ADAM12: variants seen among roughly 807,000 people sequenced by gnomAD.
The protein encoded by ADAM12 is disintegrin and metalloproteinase domain-containing protein 12.
ADAM12 carries 70 observed loss-of-function variants against 106.4 expected under a neutral mutation model. That is an observed-to-expected ratio of 0.66 (90% confidence interval 0.54 to 0.80). The LOEUF is 0.80. Ranked by LOEUF, ADAM12 falls within the 30% of genes least tolerant of loss-of-function variation. The pLI, the probability that ADAM12 is intolerant of heterozygous loss-of-function variation, is 0.00. For missense variants in ADAM12, 1,010 were observed against 1,171.9 expected (o/e 0.86, Z 2.02); for synonymous variants, 420 against 433.5 (o/e 0.97, Z 0.39).
intron 8 of ADAM12, among the ~76,000 whole-genome samples, chr10:126,106,691 G>A (rs948352429): frequency 6.6e-6 from 1 of 151,822 alleles, no homozygotes. Context: ...TCACCATGTT[G>A]GCCAGGATGG....
At chr10:126,023,607 G>T (rs772435780) in intron 21 of ADAM12, among the ~76,000 whole-genome samples, 1 of 152,164 alleles carries the variant, frequency 6.6e-6, no homozygotes, top group Non-Finnish European at 1.5e-5. Flanking sequence ...CAAGACCTCA[G>T]GTTAAGAATC....
rs192729230 is a variant in ADAM12, at chr10:126,344,323, G to T, written c.89-13814C>A. Among the ~76,000 whole-genome samples, 1,241 of 151,930 alleles carry T rather than the reference G, an allele frequency of 8.2e-3. 23 individuals are homozygous for T. The highest frequency in any genetic ancestry group is 0.029 in the African/African-American group (1,182 of 41,466). On this transcript the variant is annotated intron_variant, in intron 1 of 22. Coordinates refer to ENST00000448723, the MANE Select transcript of ADAM12 (RefSeq NM_001288973.2). ...TTTTTTGTCAGGTTTGTCAAAGATC[G>T]GATGGTTGTAGATGTGTGGTATTAT... is the stretch of plus-strand genomic sequence containing the variant.
intron 3 of ADAM12, among the ~76,000 whole-genome samples, chr10:126,167,325 C>T (rs1161010061): frequency 6.6e-6 from 1 of 152,220 alleles, no homozygotes; most frequent in Non-Finnish European, 1.5e-5. Flanking sequence ...TATTGCTATA[C>T]TTATACAACT....
intron 3 of ADAM12, among the ~76,000 whole-genome samples, chr10:126,267,950 T>C (rs1483906172): frequency 1.3e-5 from 2 of 152,104 alleles, no homozygotes. Flanking sequence ...GCTTTGTTTT[T>C]TAACTGGGGC....
intron 6 of ADAM12, among the ~76,000 whole-genome samples, chr10:126,111,181 T>C (rs1955860773): frequency 6.6e-6 from 1 of 152,194 alleles, no homozygotes. Flanking sequence ...CCTAAAGATA[T>C]CTGGAAACCT....
intron 1 of ADAM12, among the ~76,000 whole-genome samples, chr10:126,331,408 A>G (rs974883793): frequency 2.0e-5 from 3 of 152,200 alleles, no homozygotes; most frequent in Admixed American, 2.0e-4. Context: ...TTAAGTTACT[A>G]AAGAGTTCAC....
chr10:126,183,441 C>T (rs1425472836), intron 3 of ADAM12, among the ~76,000 whole-genome samples: 1 of 152,146 alleles, frequency 6.6e-6, no homozygotes, highest in Non-Finnish European at 1.5e-5. Flanking sequence ...AAACACCTCG[C>T]CCCAGTCCCA....
At chr10:126,357,496 C>G (rs967890939) in intron 1 of ADAM12, among the ~76,000 whole-genome samples, 4 of 152,130 alleles carry the variant, frequency 2.6e-5, no homozygotes, top group African/African-American at 9.7e-5. Flanking sequence ...TAATACAGAA[C>G]CTGATGGCTT....
chr10:126,073,498 C>T (rs7924099), intron 11 of ADAM12, among the ~76,000 whole-genome samples: 25,367 of 152,046 alleles, frequency 0.17, 2,728 homozygotes, highest in South Asian at 0.28. Flanking sequence ...ATTTCATCAC[C>T]CAGGCAATAA....
intron 2 of ADAM12, among the ~76,000 whole-genome samples, chr10:126,285,049 G>A (rs575700306): frequency 3.9e-5 from 6 of 152,372 alleles, no homozygotes; most frequent in African/African-American, 1.2e-4. Flanking sequence ...GAGAATACAG[G>A]CTGGAGGTGA....
At chr10:126,332,526 T>TAA (rs202017354) in intron 1 of ADAM12, among the ~76,000 whole-genome samples, 1 of 151,476 alleles carries the variant, frequency 6.6e-6, no homozygotes, top group Non-Finnish European at 1.5e-5. Context: ...TATTTCAAAG[T>TAA]AAAAAAAAAT....
At chr10:126,083,139 G>A (rs1955263685) in intron 11 of ADAM12, among the ~76,000 whole-genome samples, 1 of 152,192 alleles carries the variant, frequency 6.6e-6, no homozygotes, top group Non-Finnish European at 1.5e-5. Context: ...GCCTGGAGCG[G>A]GGCTGGCCAG....
chr10:126,052,102 G>C (rs1014744623), intron 14 of ADAM12, among the ~76,000 whole-genome samples: 1 of 152,216 alleles, frequency 6.6e-6, no homozygotes, highest in South Asian at 2.1e-4. Flanking sequence ...GTGAAGCCAG[G>C]CTTCTGGGCT....
chr10:126,370,941 A>C (rs1163030649), intron 1 of ADAM12, among the ~76,000 whole-genome samples: 1 of 152,226 alleles, frequency 6.6e-6, no homozygotes, highest in Non-Finnish European at 1.5e-5. Flanking sequence ...TATTTTAACC[A>C]CATAATTCAT....
chr10:126,131,979 G>GTTTTT (rs200265672), intron 5 of ADAM12, among the ~76,000 whole-genome samples: 1 of 141,934 alleles, frequency 7.0e-6, no homozygotes. Flanking sequence ...TTGAATTCGT[G>GTTTTT]TTTTTTTTTT....
rs576101388 is a variant in ADAM12 at position 126,205,162 on chromosome 10, C to T, written c.261-49857G>A. The stretch of plus-strand genomic sequence containing the variant: ...GCAGGAGAGCCTGACCAAGAGACAA[C>T]CAGAGAGCCAAAGCCATGATGACAC... On this transcript the variant is annotated intron_variant, in intron 3 of 22. Coordinates refer to ENST00000448723, the MANE Select transcript of ADAM12 (RefSeq NM_001288973.2). Among the ~76,000 whole-genome samples, 7 of 152,204 alleles carry T rather than the reference C, an allele frequency of 4.6e-5. No homozygotes were observed. The South Asian group carries it at 1.2e-3, about 27-fold the overall frequency.
rs1248558182 is a variant in ADAM12, at chr10:126,019,807, G to T, written c.2548C>A (p.Pro850Thr). ...RQAQGTCKPN[P>T]PQKPLPADPL... ...TCTGCAGGCAGAGGCTTCTGAGGGG[G>T]GTTTGGCTTACAGGTCCCCTGCAAT... The change falls in exon 22 of 23, where the codon CCC becomes ACC. Residue 850 changes from proline (P) to threonine (T), a missense_variant. By Grantham distance (38) the Pro-to-Thr change is conservative. Transcript: ENST00000448723. The T allele has an allele frequency of 2.5e-6, 4 of 1,613,866 alleles. No homozygotes were observed. Among genetic ancestry groups the T allele is most frequent in the Non-Finnish European group, 3.4e-6 (4 of 1,179,914 alleles).
At position 126,107,108 on chromosome 10, in the gene ADAM12, CAT is replaced by C. The variant is rs1056239162; in HGVS notation, c.741+1483_741+1484del. ...GGGCACACACACGTATGAACACACA[CAT>C]GAACACATATAGGAACACACATGCA... On this transcript the variant is annotated intron_variant, in intron 8 of 22. Transcript: ENST00000448723. Among the ~76,000 whole-genome samples, 358 of 152,270 alleles carry C rather than the reference CAT, an allele frequency of 2.4e-3. 3 individuals are homozygous for C. Among genetic ancestry groups the C allele is most frequent in the African/African-American group, 8.2e-3 (341 of 41,540 alleles).
intron 1 of ADAM12, among the ~76,000 whole-genome samples, chr10:126,332,107 G>A (rs910166388): frequency 2.6e-5 from 4 of 152,180 alleles, no homozygotes; most frequent in South Asian, 2.1e-4. Context: ...CATCAGCTGC[G>A]GGGCCACGGG....
Sources: gnomAD v4.1 joint callset for allele counts (sites outside exome capture counted in the v4.1 genomes callset) on GRCh38, gnomAD v4.1.1 for gene constraint, MANE v1.5 for transcripts, NCBI Gene and HGNC (gene_info 2026-07-23, HGNC 2026-07-21) for gene names.